STAG1: variants seen among roughly 807,000 people sequenced by gnomAD.
STAG1 encodes the protein cohesin subunit SA-1.
STAG1 carries 26 observed loss-of-function variants against 170.9 expected under a neutral mutation model. The ratio of observed to expected loss-of-function variants is 0.15; its 90% CI spans 0.11 to 0.21. STAG1 has a LOEUF of 0.21. STAG1 is among the 10% of genes least tolerant of loss of function. STAG1 has a pLI of 1.00. For missense variants in STAG1, 964 were observed against 1,509.5 expected (o/e 0.64, Z 5.99); for synonymous variants, 514 against 497.7 (o/e 1.03, Z -0.44).
intron 31 of STAG1, 72 bp from the exon 32 acceptor site, chr3:136,340,677 TAA>T (rs1935931495): frequency 4.0e-6 from 4 of 997,944 alleles, no homozygotes; most frequent in Non-Finnish European, 6.4e-6. Context: ...TTTCTCAGAT[TAA>T]AGTTATTCTA....
chr3:136,386,078 C>T (rs1168280556), intron 22 of STAG1, among the ~76,000 whole-genome samples: 2 of 152,272 alleles, frequency 1.3e-5, no homozygotes, highest in South Asian at 2.1e-4. Flanking sequence ...TGGCTCATGC[C>T]TGTAATCCCA....
At chr3:136,454,237 C>T (rs2089036335) in intron 13 of STAG1, among the ~76,000 whole-genome samples, 2 of 152,006 alleles carry the variant, frequency 1.3e-5, no homozygotes, top group African/African-American at 2.4e-5. Flanking sequence ...TGCCACCATG[C>T]CCAGCTAATT....
At chr3:136,465,410 G>C (rs758236508) in intron 12 of STAG1, among the ~76,000 whole-genome samples, 1 of 151,178 alleles carries the variant, frequency 6.6e-6, no homozygotes, top group Admixed American at 6.6e-5. Flanking sequence ...TAGTAGAAAC[G>C]GGGTTTCGTC....
intron 1 of STAG1, 45 bp from the exon 2 acceptor site, chr3:136,631,026 G>T: frequency 1.1e-6 from 1 of 927,652 alleles, no homozygotes; most frequent in Non-Finnish European, 1.6e-6. Context: ...AAATGAGGAT[G>T]ACAAAATTCA....
At chr3:136,707,555 T>G (rs879608960) in intron 1 of STAG1, among the ~76,000 whole-genome samples, 2 of 124,704 alleles carry the variant, frequency 1.6e-5, no homozygotes, top group Admixed American at 1.8e-4. Flanking sequence ...AATACCTGAC[T>G]GGTAATTTAT....
chr3:136,698,631 C>T (rs1942965739), intron 1 of STAG1, among the ~76,000 whole-genome samples: 1 of 152,098 alleles, frequency 6.6e-6, no homozygotes. Context: ...CCAACAATCC[C>T]ACTGCTGGGT....
In STAG1 at chr3:136,357,334, T is replaced by C. The variant is rs150083569; in HGVS notation, c.3065+386A>G. On this transcript the variant is annotated intron_variant, in intron 28 of 33. Transcript: ENST00000383202. ...ACATATATATTTCTTTAAACTGTTA[T>C]CAATAATCAAAAAAAGCAAATATGA... Among the ~76,000 whole-genome samples the C allele has an allele frequency of 7.4e-4, 112 of 152,036 alleles. No individual in the cohort carries two copies. The East Asian group carries it at 0.018, about 25-fold the overall frequency.
intron 14 of STAG1, among the ~76,000 whole-genome samples, chr3:136,448,384 C>T (rs1310139002): frequency 6.6e-6 from 1 of 152,134 alleles, no homozygotes; most frequent in Non-Finnish European, 1.5e-5. Context: ...GGACGCCTCA[C>T]AATCATGGCA....
intron 1 of STAG1, among the ~76,000 whole-genome samples, chr3:136,739,949 C>T (rs189956674): frequency 4.1e-4 from 62 of 152,100 alleles, no homozygotes; most frequent in Admixed American, 2.4e-3. Context: ...ATAAATGCAA[C>T]GGGATAGATA....
intron 7 of STAG1, among the ~76,000 whole-genome samples, chr3:136,515,752 A>G (rs1303895256): frequency 2.0e-5 from 3 of 152,228 alleles, no homozygotes; most frequent in African/African-American, 2.4e-5. Flanking sequence ...ACCTAAATAT[A>G]CAGATTCAAA....
intron 4 of STAG1, among the ~76,000 whole-genome samples, chr3:136,572,432 A>C (rs920723252): frequency 4.6e-5 from 7 of 151,800 alleles, no homozygotes; most frequent in African/African-American, 1.7e-4. Flanking sequence ...GCCTCTACCA[A>C]AAATCCACGA....
At chr3:136,509,128 T>C (rs1933924862) in intron 7 of STAG1, among the ~76,000 whole-genome samples, 1 of 152,240 alleles carries the variant, frequency 6.6e-6, no homozygotes. Flanking sequence ...GTACAAGCAT[T>C]GGCCTTAGAG....
At chr3:136,642,685 C>G (rs1489900253) in intron 1 of STAG1, among the ~76,000 whole-genome samples, 1 of 152,212 alleles carries the variant, frequency 6.6e-6, no homozygotes, top group East Asian at 1.9e-4. Flanking sequence ...TTGCAAGGCT[C>G]TTCCCTTGTA....
chr3:136,737,384 G>A (rs1267057005), intron 1 of STAG1, among the ~76,000 whole-genome samples: 1 of 152,098 alleles, frequency 6.6e-6, no homozygotes, highest in South Asian at 2.1e-4. Context: ...TTACAGGCGT[G>A]AGCCATCATG....
chr3:136,381,128 T>G (rs1937938439), intron 22 of STAG1, among the ~76,000 whole-genome samples: 1 of 151,980 alleles, frequency 6.6e-6, no homozygotes, highest in Admixed American at 6.6e-5. Context: ...ATAGATATCT[T>G]GAAGATGTCT....
chr3:136,523,593 G>A (rs866038412), intron 6 of STAG1, among the ~76,000 whole-genome samples: 1 of 152,126 alleles, frequency 6.6e-6, no homozygotes, highest in Non-Finnish European at 1.5e-5. Flanking sequence ...AAGCTCTTTA[G>A]TTTAATTAGA....
At chr3:136,736,251 G>C (rs1576830618) in intron 1 of STAG1, among the ~76,000 whole-genome samples, 1 of 152,212 alleles carries the variant, frequency 6.6e-6, no homozygotes, top group Non-Finnish European at 1.5e-5. Context: ...CAGCACCAAT[G>C]GCGGCACCTT....
At position 136,348,572 on chromosome 3, in the gene STAG1, A is replaced by AT. The variant is rs979673590; in HGVS notation, c.3271+585dup. Among the ~76,000 whole-genome samples, 97 of 150,226 alleles carry AT rather than the reference A, an allele frequency of 6.5e-4. 4 individuals carry two copies. The highest frequency in any genetic ancestry group is 6.8e-3 in the Middle Eastern group (2 of 294). On this transcript the variant is annotated intron_variant, in intron 29 of 33. Transcript: ENST00000383202. ...TACAGGTGCATGCCACCCATTTAAA[A>AT]TTTTTTTTTTCTTAGAGATGGGAGT...
At chr3:136,374,996 C>G (rs935582739) in intron 23 of STAG1, among the ~76,000 whole-genome samples, 1 of 151,980 alleles carries the variant, frequency 6.6e-6, no homozygotes, top group African/African-American at 2.4e-5. Flanking sequence ...CTATACTACT[C>G]AGTATAGTAT....
Sources: allele counts gnomAD v4.1 joint callset (sites outside exome capture counted in the v4.1 genomes callset), GRCh38; gene constraint gnomAD v4.1.1; transcripts MANE v1.5; gene names NCBI Gene and HGNC (gene_info 2026-07-23, HGNC 2026-07-21).